The following EFCAB7 variants were observed in gnomAD, a reference collection of about 807,000 sequenced individuals.
EFCAB7 encodes the protein EF-hand calcium binding domain 7.
Under a neutral mutation model 77.1 loss-of-function variants are expected in EFCAB7, and 66 were observed. That is an observed-to-expected ratio of 0.86 (90% CI 0.70 to 1.05). The LOEUF is 1.05. Among genes scored for constraint, EFCAB7 ranks in the 50% least tolerant of loss-of-function variants. The probability of loss-of-function intolerance (pLI) is 0.00; values close to 1 mark genes in which losing one functional copy is unlikely to be tolerated. For synonymous variants in EFCAB7, 225 were observed against 243.3 expected (o/e 0.92, Z 0.70); for missense variants, 638 against 730.5 (o/e 0.87, Z 1.46).
intron 1 of EFCAB7, among the ~76,000 whole-genome samples, chr1:63,524,160 G>A (rs1646535485): frequency 2.6e-5 from 4 of 152,164 alleles, no homozygotes; most frequent in Admixed American, 2.0e-4. Context: ...TGTTTGGAAA[G>A]AATATTTGAG....
chr1:63,539,584 G>A (rs185197712), intron 6 of EFCAB7, among the ~76,000 whole-genome samples: 3 of 152,246 alleles, frequency 2.0e-5, no homozygotes, highest in African/African-American at 7.2e-5. Flanking sequence ...TTTGGTTCTA[G>A]TTCTGCAGTC....
Position 63,557,092 on chromosome 1 carries a change from CTA to C in EFCAB7, c.1215-21_1215-20del. Reference sequence around the variant, plus strand: ...TAGTTGCCTTAGTGACAAGAAATAACTAGCTATTTTTATAATTTTAGGTCTAC... The same window carrying C: ...TAGTTGCCTTAGTGACAAGAAATAACGCTATTTTTATAATTTTAGGTCTAC... On this transcript the variant is annotated intron_variant, in intron 9 of 13. Transcript: ENST00000371088. 1 of 1,498,710 alleles carries C rather than the reference CTA, an allele frequency of 6.7e-7. No individual in the cohort carries two copies. The allele number at this position is 1,498,710 out of a possible 1,614,324, so 92.8% of individuals were successfully genotyped here.
intron 11 of EFCAB7, among the ~76,000 whole-genome samples, chr1:63,562,591 C>T (rs1485851379): frequency 6.7e-6 from 1 of 148,504 alleles, no homozygotes; most frequent in African/African-American, 2.5e-5. Context: ...CTTCAACCTC[C>T]TGGGCTCAAG....
At chr1:63,551,419 C>T (rs1328637677) in intron 7 of EFCAB7, among the ~76,000 whole-genome samples, 1 of 151,940 alleles carries the variant, frequency 6.6e-6, no homozygotes, top group African/African-American at 2.4e-5. Context: ...GGTGAAACCC[C>T]GTCTCTACTA....
chr1:63,572,435 T>C lies in EFCAB7; in HGVS notation c.1816-7T>C. The C allele has an allele frequency of 6.4e-7, 1 of 1,574,292 alleles. No individual in the cohort carries two copies. Among genetic ancestry groups the C allele is most frequent in the Non-Finnish European group, 8.6e-7 (1 of 1,165,516 alleles). On this transcript the variant is annotated splice_polypyrimidine_tract_variant and splice_region_variant and intron_variant, in intron 13 of 13. Coordinates refer to ENST00000371088, the MANE Select transcript of EFCAB7 (RefSeq NM_032437.4). ...AGAGAGTAAAAGCTTTCTATTTTTA[T>C]GTGCAGGTTTGTCAACATGTAATGC...
chr1:63,555,563 G>T, intron 9 of EFCAB7, 48 bp downstream of exon 9: 1 of 1,522,276 alleles, frequency 6.6e-7, no homozygotes, highest in Admixed American at 1.8e-5. Context: ...AGACTGGATA[G>T]ATATTAATAG....
At position 63,536,308 on chromosome 1, in the gene EFCAB7, A is replaced by T. The variant is rs544284876; in HGVS notation, c.804+2092A>T. Among the ~76,000 whole-genome samples, 9 of 152,100 alleles carry T rather than the reference A, an allele frequency of 5.9e-5. No homozygotes were observed. In the East Asian group the frequency reaches 1.7e-3, roughly 29 times the overall value. On this transcript the variant is annotated intron_variant, in intron 6 of 13. Transcript: ENST00000371088. ...ATTTCTTAGATGAGCTGAAATTATTATTTTTTTAAGTAAGTGACTCTTTTG... is the reference window on the plus strand; with the variant it reads ...ATTTCTTAGATGAGCTGAAATTATTTTTTTTTTAAGTAAGTGACTCTTTTG...
At chr1:63,544,804 ATTTC>A (rs1321231690) in intron 6 of EFCAB7, among the ~76,000 whole-genome samples, 1 of 152,120 alleles carries the variant, frequency 6.6e-6, no homozygotes, top group African/African-American at 2.4e-5. Context: ...CTTTCAATAT[ATTTC>A]TTTTAGCAAT....
downstream of EFCAB7, among the ~76,000 whole-genome samples, chr1:63,575,737 C>G (rs1312992438): frequency 6.6e-6 from 1 of 151,542 alleles, no homozygotes; most frequent in East Asian, 1.9e-4. Flanking sequence ...GCATACGCTA[C>G]CACACCCAGC....
intron 6 of EFCAB7, among the ~76,000 whole-genome samples, chr1:63,544,681 G>A (rs1484393185): frequency 6.6e-6 from 1 of 152,180 alleles, no homozygotes; most frequent in Non-Finnish European, 1.5e-5. Flanking sequence ...AAAGGGCTGG[G>A]ATTACAGGCG....
chr1:63,535,504 A>C (rs1250590534), intron 6 of EFCAB7, among the ~76,000 whole-genome samples: 1 of 152,088 alleles, frequency 6.6e-6, no homozygotes. Context: ...TGATTAGATT[A>C]GTGATCTAGA....
intron 13 of EFCAB7, among the ~76,000 whole-genome samples, chr1:63,571,886 CCT>C (rs1253475858): frequency 6.6e-6 from 1 of 151,906 alleles, no homozygotes; most frequent in Non-Finnish European, 1.5e-5. Flanking sequence ...AGGGACAATG[CCT>C]CTGAGTTTTA....
chr1:63,567,638 T>C (rs890544388), intron 11 of EFCAB7, among the ~76,000 whole-genome samples: 2 of 152,068 alleles, frequency 1.3e-5, no homozygotes, highest in Non-Finnish European at 2.9e-5. Flanking sequence ...AAGGATAATC[T>C]TCCCAGTGGA....
downstream of EFCAB7, among the ~76,000 whole-genome samples, chr1:63,573,794 C>G (rs1295240558): frequency 6.6e-6 from 1 of 152,114 alleles, no homozygotes; most frequent in Non-Finnish European, 1.5e-5. Flanking sequence ...CAGGACAGGC[C>G]TGAATTCTGA....
At chr1:63,545,885 T>C in intron 6 of EFCAB7, 31 bp from the exon 7 acceptor site, 1 of 1,589,494 alleles carries the variant, frequency 6.3e-7, no homozygotes, top group Non-Finnish European at 8.6e-7. Flanking sequence ...TTAATAAATA[T>C]TGTTTGAAAT....
chr1:63,582,464 C>T, the EFCAB7 span, among the ~76,000 whole-genome samples: 2 of 152,194 alleles, frequency 1.3e-5, no homozygotes, highest in African/African-American at 2.4e-5. Context: ...GGCATGAGAA[C>T]CTTGCCCTTT....
chr1:63,533,966 T>G, intron 5 of EFCAB7, 129 bp from the exon 6 acceptor site: 1 of 1,063,270 alleles, frequency 9.4e-7, no homozygotes, highest in Non-Finnish European at 1.3e-6. Flanking sequence ...ACTTCTGACT[T>G]TATTTCAATA....
intron 13 of EFCAB7, 76 bp from the exon 14 acceptor site, chr1:63,572,366 T>C (rs1346991182): frequency 1.7e-5 from 20 of 1,190,186 alleles, no homozygotes; most frequent in Non-Finnish European, 2.4e-5. Context: ...GGCCTAGAAA[T>C]GTTGTCCTGT....
chr1:63,565,352 C>T (rs1366167690), intron 11 of EFCAB7, among the ~76,000 whole-genome samples: 1 of 148,592 alleles, frequency 6.7e-6, no homozygotes, highest in Non-Finnish European at 1.5e-5. Flanking sequence ...GTGCGAGACT[C>T]CGTCTCAAAA....
Sources: gnomAD v4.1 joint callset for allele counts (sites outside exome capture counted in the v4.1 genomes callset) on GRCh38, gnomAD v4.1.1 for gene constraint, MANE v1.5 for transcripts, NCBI Gene and HGNC (gene_info 2026-07-23, HGNC 2026-07-21) for gene names.